Variants in ANK1 observed in about 807,000 individuals in gnomAD.
The protein encoded by ANK1 is ankyrin 1.
Under a neutral mutation model 210.4 loss-of-function variants are expected in ANK1, and 51 were observed. The observed-to-expected ratio is 0.24, with a 90% CI of 0.19 to 0.31. The LOEUF is 0.31. ANK1 is among the 10% of genes least tolerant of loss of function. ANK1 has a pLI of 1.00. For missense variants in ANK1, 2,051 were observed against 2,504.4 expected (o/e 0.82, Z 3.86); for synonymous variants, 967 against 1,025.9 (o/e 0.94, Z 1.10).
At chr8:41,655,901 G>C (rs1334779631) in intron 42 of ANK1, 148 bp from the exon 43 acceptor site, 2 of 912,916 alleles carry the variant, frequency 2.2e-6, no homozygotes, top group African/African-American at 3.3e-5. Flanking sequence ...TGTGCTGAGG[G>C]TGCTGCACTT....
intron 1 of ANK1, among the ~76,000 whole-genome samples, chr8:41,812,521 C>G (rs533520211): frequency 1.3e-5 from 2 of 152,332 alleles, no homozygotes; most frequent in African/African-American, 4.8e-5. Context: ...TAGAGCAGTC[C>G]TCTTCCTGAT....
chr8:41,706,337 CA>C (rs1394258259), intron 17 of ANK1, 96 bp from the exon 18 acceptor site: 3 of 1,081,436 alleles, frequency 2.8e-6, no homozygotes, highest in Non-Finnish European at 4.1e-6. Flanking sequence ...GCTAACTTTG[CA>C]GTCACCAACT....
intron 1 of ANK1, among the ~76,000 whole-genome samples, chr8:41,764,917 T>G (rs775040536): frequency 7.2e-5 from 11 of 152,334 alleles, no homozygotes; most frequent in Admixed American, 2.0e-4. Flanking sequence ...GTTATCTCCT[T>G]TTTATAGATG....
chr8:41,682,306 C>T (rs535937920), intron 37 of ANK1, among the ~76,000 whole-genome samples: 59 of 152,336 alleles, frequency 3.9e-4, no homozygotes, highest in Non-Finnish European at 1.5e-4. Context: ...GGCAAGTCCT[C>T]GAGTGCCACC....
At position 41,663,535 on chromosome 8, in the gene ANK1, G is replaced by GC. The variant is rs1433255071; in HGVS notation, c.5478+123dup. 1.7e-5 allele frequency: 16 copies of GC among 945,916 alleles called. No individual in the cohort carries two copies. In the African/African-American group the frequency reaches 2.6e-4, roughly 15 times the overall value. The allele number at this position is 945,916 out of a possible 1,614,324, so 58.6% of individuals were successfully genotyped here. A position where few individuals can be genotyped will look rare whatever the true frequency, so the allele number is the denominator to read the frequency against. Reference sequence around the variant, plus strand: ...CCCTCCATCCCTCCTGAGCACGGGGGCAGCCAGCCTGGCTGTGCTCACCTG... The same window carrying GC: ...CCCTCCATCCCTCCTGAGCACGGGGGCCAGCCAGCCTGGCTGTGCTCACCTG... On this transcript the variant is annotated intron_variant, in intron 40 of 42. Transcript: ENST00000289734.
chr8:41,815,663 A>G (rs1156934527), intron 1 of ANK1, among the ~76,000 whole-genome samples: 2 of 152,156 alleles, frequency 1.3e-5, no homozygotes, highest in Admixed American at 6.6e-5. Context: ...TGTTTTTCTT[A>G]TCATTTACAG....
intron 1 of ANK1, among the ~76,000 whole-genome samples, chr8:41,775,010 T>C (rs1421873989): frequency 6.6e-6 from 1 of 151,770 alleles, no homozygotes. Context: ...CTGGAGAAAA[T>C]GCAAAATCAA....
At chr8:41,685,653 T>G (rs1586067176) in intron 36 of ANK1, among the ~76,000 whole-genome samples, 1 of 149,148 alleles carries the variant, frequency 6.7e-6, no homozygotes, top group Non-Finnish European at 1.5e-5. Flanking sequence ...TTATTTTTTT[T>G]AGAGTCAGGA....
intron 1 of ANK1, among the ~76,000 whole-genome samples, chr8:41,802,995 G>GAGAAAGAAAGAAAGAAAGAAAGAA (rs58986564): frequency 8.7e-5 from 5 of 57,530 alleles, no homozygotes; most frequent in African/African-American, 3.4e-4. Flanking sequence ...GAGAGAAAGA[G>GAGAAAGAAAGAAAGAAAGAAAGAA]AGAAAGAAAG....
At chr8:41,679,687 C>T (rs1178018209) in intron 37 of ANK1, among the ~76,000 whole-genome samples, 2 of 150,606 alleles carry the variant, frequency 1.3e-5, no homozygotes, top group Non-Finnish European at 3.0e-5. Context: ...CTCAGCCTCC[C>T]GAGTAGCTGG....
intron 1 of ANK1, among the ~76,000 whole-genome samples, chr8:41,854,651 C>T (rs1811855558): frequency 6.6e-6 from 1 of 152,134 alleles, no homozygotes; most frequent in Non-Finnish European, 1.5e-5. Flanking sequence ...TTGTAAAATG[C>T]AGAATGCGCT....
intron 10 of ANK1, among the ~76,000 whole-genome samples, chr8:41,719,216 G>A (rs557424565): frequency 6.6e-6 from 1 of 152,168 alleles, no homozygotes; most frequent in East Asian, 1.9e-4. Flanking sequence ...TTACACGAGT[G>A]CCATGAGAAC....
At chr8:41,755,046 T>G (rs1838772963) in intron 2 of ANK1, among the ~76,000 whole-genome samples, 3 of 152,246 alleles carry the variant, frequency 2.0e-5, no homozygotes, top group Admixed American at 2.0e-4. Context: ...CAGTGTCCTC[T>G]TTAAGAGAGA....
rs377690524 is a variant in ANK1 at position 41,662,276 on chromosome 8, G to C, written c.5479-335C>G. 6.5e-3 allele frequency among the ~76,000 whole-genome samples: 986 copies of C among 152,124 alleles called. 7 individuals carry two copies. Among genetic ancestry groups the C allele is most frequent in the Non-Finnish European group, 0.01 (689 of 67,932 alleles). On this transcript the variant is annotated intron_variant, in intron 40 of 42. Transcript: ENST00000289734. ...TGTGTCAAAAAAAAAAAGGCGGGGG[G>C]GCTGGTCAAGCCCTCAAGACAGAGC...
Position 41,786,536 on chromosome 8 carries a change from G to A in ANK1, c.27+10976C>T, listed in dbSNP as rs28374492. Among the ~76,000 whole-genome samples, 1,066 of 152,326 alleles carry A rather than the reference G, an allele frequency of 7.0e-3. 18 individuals are homozygous for A. Among genetic ancestry groups the A allele is most frequent in the African/African-American group, 0.025 (1,022 of 41,574 alleles). On this transcript the variant is annotated intron_variant, in intron 1 of 42. Transcript: ENST00000289734. ...CTAGGGACAAGCCCCCAGTGGCCACGTTGCAAACTAATGGAGTCGAGAGAA... is the reference window on the plus strand; with the variant it reads ...CTAGGGACAAGCCCCCAGTGGCCACATTGCAAACTAATGGAGTCGAGAGAA...
At chr8:41,727,415 C>T (rs150513245) in intron 4 of ANK1, 67 bp from the exon 5 acceptor site, 64 of 1,129,864 alleles carry the variant, frequency 5.7e-5, no homozygotes, top group Non-Finnish European at 7.4e-5. Context: ...ACCAGCACAA[C>T]GTCCTCTCAC....
chr8:41,817,812 T>C (rs916006229), intron 1 of ANK1, among the ~76,000 whole-genome samples: 1 of 152,190 alleles, frequency 6.6e-6, no homozygotes, highest in Admixed American at 6.5e-5. Flanking sequence ...TTTTCACCAC[T>C]GAACCATGAA....
chr8:41,680,885 A>T (rs1179482308), intron 37 of ANK1, among the ~76,000 whole-genome samples: 1 of 152,184 alleles, frequency 6.6e-6, no homozygotes, highest in African/African-American at 2.4e-5. Flanking sequence ...TGAGTTCCAG[A>T]ATGTCTGTCT....
Position 41,723,078 on chromosome 8 carries a change from C to A in ANK1, c.909+47G>T, listed in dbSNP as rs199657894. ...GGATTTGATGCCAGGTCTGTTGGAC[C>A]TGGAGCCCTGTCTAGAAAATGCGCC... On this transcript the variant is annotated intron_variant, in intron 9 of 42. Coordinates refer to ENST00000289734, the MANE Select transcript of ANK1 (RefSeq NM_000037.4). 346 of 1,558,600 alleles carry A rather than the reference C, an allele frequency of 2.2e-4. 2 individuals are homozygous for A. In the East Asian group the frequency reaches 6.9e-3, roughly 31 times the overall value.
Sources: allele counts gnomAD v4.1 joint callset (sites outside exome capture counted in the v4.1 genomes callset), GRCh38; gene constraint gnomAD v4.1.1; transcripts MANE v1.5; gene names NCBI Gene and HGNC (gene_info 2026-07-23, HGNC 2026-07-21).